The following DOCK7 variants were observed in gnomAD, a reference collection of about 807,000 sequenced individuals.
DOCK7 encodes the protein dedicator of cytokinesis 7, also known as dedicator of cytokinesis protein 7.
A neutral mutation model predicts 271.0 loss-of-function variants in DOCK7; 138 were observed. That is an observed-to-expected ratio of 0.51 (90% confidence interval 0.44 to 0.59). The LOEUF is 0.59. DOCK7 is among the 20% of genes least tolerant of loss of function. The probability of loss-of-function intolerance (pLI) is 0.00; values close to 1 mark genes in which losing one functional copy is unlikely to be tolerated. For synonymous variants in DOCK7, 823 were observed against 876.1 expected (o/e 0.94, Z 1.07); for missense variants, 2,066 against 2,592.4 (o/e 0.80, Z 4.41).
At chr1:62,640,780 T>C (rs974417615) in intron 7 of DOCK7, among the ~76,000 whole-genome samples, 1 of 152,194 alleles carries the variant, frequency 6.6e-6, no homozygotes. Context: ...ACAGATGCCC[T>C]ATTCACAAGG....
chr1:62,459,200 TTAAA>T (rs1350543946), intron 48 of DOCK7: 2 of 151,304 alleles, frequency 1.3e-5, no homozygotes, highest in African/African-American at 2.4e-5. Context: ...GAACATAAAG[TTAAA>T]TACAGCAGAA....
Position 62,465,019 on chromosome 1 carries a change from G to C in DOCK7, c.6213-7314C>G, listed in dbSNP as rs574620636. Among the ~76,000 whole-genome samples, 3 of 152,068 alleles carry C rather than the reference G, an allele frequency of 2.0e-5. No homozygotes were observed. In the East Asian group the frequency reaches 5.8e-4, roughly 29 times the overall value. ...ATACAAAACTTACCCACATAAACAC[G>C]GACCCTGCATGGCACCATTTGTAGT... On this transcript the variant is annotated intron_variant, in intron 48 of 49. Coordinates refer to ENST00000635253, the MANE Select transcript of DOCK7 (RefSeq NM_001367561.1).
chr1:62,526,676 G>A (rs1645019203), intron 31 of DOCK7, among the ~76,000 whole-genome samples: 1 of 152,080 alleles, frequency 6.6e-6, no homozygotes, highest in South Asian at 2.1e-4. Flanking sequence ...TGATACAGCT[G>A]TTCATCAACT....
chr1:62,479,761 A>G (rs780300187), intron 43 of DOCK7: 3 of 370,236 alleles, frequency 8.1e-6, no homozygotes, highest in South Asian at 4.1e-5. Flanking sequence ...ACAGCTCACT[A>G]CAGCTTCTGT....
intron 19 of DOCK7, among the ~76,000 whole-genome samples, chr1:62,560,435 G>A (rs563958454): frequency 2.0e-4 from 30 of 152,212 alleles, no homozygotes; most frequent in African/African-American, 6.5e-4. Flanking sequence ...TCTGAAGTAC[G>A]TAGGCACTTC....
At chr1:62,481,075 C>T (rs1646111454) in intron 43 of DOCK7, among the ~76,000 whole-genome samples, 1 of 149,808 alleles carries the variant, frequency 6.7e-6, no homozygotes, top group Admixed American at 6.6e-5. Context: ...TAGGTTTCAT[C>T]TGAGCAAAGA....
At chr1:62,535,305 T>C (rs551585003) in intron 29 of DOCK7, among the ~76,000 whole-genome samples, 188 bp downstream of exon 29, 3 of 152,256 alleles carry the variant, frequency 2.0e-5, no homozygotes, top group Admixed American at 6.5e-5. Context: ...TGACAAAATA[T>C]GAGAAAAAGT....
chr1:62,548,215 C>CA (rs1220668004), intron 22 of DOCK7, among the ~76,000 whole-genome samples: 106 of 131,694 alleles, frequency 8.0e-4, no homozygotes, highest in East Asian at 5.1e-3. Context: ...AAATGTCAGA[C>CA]AAAAAAAAAA....
At chr1:62,551,153 A>G (rs1485509302) in intron 22 of DOCK7, among the ~76,000 whole-genome samples, 1 of 152,210 alleles carries the variant, frequency 6.6e-6, no homozygotes, top group Non-Finnish European at 1.5e-5. Context: ...TAGATAAACT[A>G]AGTTGAGGTA....
At chr1:62,479,976 T>C (rs1339071130) in intron 43 of DOCK7, among the ~76,000 whole-genome samples, 3 of 152,212 alleles carry the variant, frequency 2.0e-5, no homozygotes, top group African/African-American at 7.2e-5. Flanking sequence ...TGACCTGTAA[T>C]ATTAATATGC....
intron 11 of DOCK7, among the ~76,000 whole-genome samples, chr1:62,626,745 C>T (rs758995469): frequency 1.3e-5 from 2 of 151,940 alleles, no homozygotes; most frequent in African/African-American, 4.8e-5. Context: ...GTAAAGAGAT[C>T]GAGTTAGTAA....
intron 43 of DOCK7, chr1:62,485,361 C>T (rs1260184129): frequency 1.0e-6 from 1 of 985,178 alleles, no homozygotes; most frequent in Non-Finnish European, 1.2e-6. Context: ...CACACACACA[C>T]CCTTCTAAAA....
chr1:62,556,152 G>A (rs538506065), intron 20 of DOCK7, among the ~76,000 whole-genome samples, 163 bp from the exon 21 acceptor site: 3 of 152,190 alleles, frequency 2.0e-5, no homozygotes, highest in African/African-American at 7.2e-5. Flanking sequence ...ATTACACGTT[G>A]CATTAGCTGA....
chr1:62,627,128 T>C (rs1346129892), intron 11 of DOCK7, among the ~76,000 whole-genome samples: 2 of 152,208 alleles, frequency 1.3e-5, no homozygotes, highest in East Asian at 3.9e-4. Context: ...ATTAAAAGGA[T>C]ACAGGACAAA....
At chr1:62,579,472 T>A (rs955034998) in intron 16 of DOCK7, among the ~76,000 whole-genome samples, 3 of 152,064 alleles carry the variant, frequency 2.0e-5, no homozygotes, top group African/African-American at 7.2e-5. Context: ...GGCTCACACC[T>A]GTAATCCCAG....
chr1:62,498,709 G>A (rs1482316259), intron 37 of DOCK7, among the ~76,000 whole-genome samples: 2 of 150,772 alleles, frequency 1.3e-5, no homozygotes, highest in African/African-American at 4.9e-5. Context: ...CCAAGACACA[G>A]TTCCATATTT....
At chr1:62,529,493 G>C (rs41290144) in intron 29 of DOCK7, 47 bp from the exon 30 acceptor site, 105 of 1,459,148 alleles carry the variant, frequency 7.2e-5, no homozygotes, top group Non-Finnish European at 9.5e-5. Flanking sequence ...TAAGGCCACA[G>C]AGATTAGCTA....
chr1:62,587,649 T>C (rs1036760177), intron 14 of DOCK7, among the ~76,000 whole-genome samples: 1 of 152,112 alleles, frequency 6.6e-6, no homozygotes, highest in African/African-American at 2.4e-5. Flanking sequence ...TAAGATACCT[T>C]AATAAGAAGG....
rs774566664 is a variant in DOCK7 at position 62,619,994 on chromosome 1, C to T, written c.1426-1G>A. On this transcript the variant is annotated splice_acceptor_variant, in intron 12 of 49. Coordinates refer to ENST00000635253, the MANE Select transcript of DOCK7 (RefSeq NM_001367561.1). LOFTEE classifies it high-confidence loss of function. ...CTTCATCACTTAAGCGGTCTCCTTC[C>T]TGATTTCAATAATAGAGGAAAAAGT... is the stretch of plus-strand genomic sequence containing the variant. The T allele has an allele frequency of 1.2e-6, 2 of 1,609,880 alleles. No individual in the cohort carries two copies. Among genetic ancestry groups the T allele is most frequent in the South Asian group, 1.1e-5 (1 of 90,608 alleles).
Sources: gnomAD v4.1 joint callset for allele counts (sites outside exome capture counted in the v4.1 genomes callset) on GRCh38, gnomAD v4.1.1 for gene constraint, MANE v1.5 for transcripts, NCBI Gene and HGNC (gene_info 2026-07-23, HGNC 2026-07-21) for gene names.